Variants in PPP2R2B observed in about 807,000 individuals in gnomAD.
PPP2R2B encodes the protein serine/threonine-protein phosphatase 2A 55 kDa regulatory subunit B beta isoform.
PPP2R2B carries 5 observed loss-of-function variants against 46.0 expected under a neutral mutation model. The observed-to-expected ratio is 0.11, with a 90% CI of 0.06 to 0.23. The LOEUF is 0.23. PPP2R2B is among the 10% of genes least tolerant of loss of function. The pLI is 1.00. For synonymous variants in PPP2R2B, 215 were observed against 206.7 expected (o/e 1.04, Z -0.34); for missense variants, 367 against 575.0 (o/e 0.64, Z 3.70).
intron 2 of PPP2R2B, among the ~76,000 whole-genome samples, chr5:146,843,307 G>GCACTATACAAGGTGAA (rs1330060667): frequency 6.6e-6 from 1 of 152,164 alleles, no homozygotes; most frequent in Non-Finnish European, 1.5e-5. Flanking sequence ...AGCCTACTGA[G>GCACTATACAAGGTGAA]CACTATACAA....
chr5:147,019,002 G>C (rs779055875), intron 1 of PPP2R2B, among the ~76,000 whole-genome samples: 1 of 152,164 alleles, frequency 6.6e-6, no homozygotes, highest in South Asian at 2.1e-4. Flanking sequence ...ATCAAATACT[G>C]CTCTCTGTTT....
chr5:146,673,329 T>C (rs1262172769), intron 5 of PPP2R2B, among the ~76,000 whole-genome samples: 1 of 152,226 alleles, frequency 6.6e-6, no homozygotes, highest in Non-Finnish European at 1.5e-5. Context: ...TCTAATGTTG[T>C]ATCTTAATTT....
chr5:147,045,871 C>T (rs190026424), intron 1 of PPP2R2B, among the ~76,000 whole-genome samples: 68 of 152,172 alleles, frequency 4.5e-4, no homozygotes, highest in Middle Eastern at 3.4e-3. Flanking sequence ...AATGTACTCT[C>T]CTTTGCCTAA....
At chr5:147,027,628 CG>C (rs1257269335) in intron 1 of PPP2R2B, among the ~76,000 whole-genome samples, 6 of 98,036 alleles carry the variant, frequency 6.1e-5, no homozygotes, top group African/African-American at 2.4e-4. Context: ...AAGCGAGACT[CG>C]GTCTCAAAAA....
chr5:146,934,583 G>GAAAA (rs3062352), intron 1 of PPP2R2B, among the ~76,000 whole-genome samples: 93 of 31,484 alleles, frequency 3.0e-3, no homozygotes, highest in Middle Eastern at 0.021. Flanking sequence ...TTTTTCATAA[G>GAAAA]AAAAAAAAAA....
Position 146,755,851 on chromosome 5 carries a change from CTA to C in PPP2R2B, c.71-54711_71-54710del, listed in dbSNP as rs533367119. On this transcript the variant is annotated intron_variant, in intron 2 of 9. Coordinates refer to ENST00000394411, the MANE Select transcript of PPP2R2B (RefSeq NM_181675.4). ...CAAGGACCCTGATCCTCGTCTGTGG[CTA>C]GACTGGCTGCAGGCACCAAAGCTTA... Among the ~76,000 whole-genome samples the C allele has an allele frequency of 5.7e-4, 87 of 152,306 alleles. 1 individual carries two copies. In the South Asian group the frequency reaches 0.015, roughly 27 times the overall value.
At chr5:146,591,148 G>C (rs1398940525) in intron 9 of PPP2R2B, among the ~76,000 whole-genome samples, 2 of 151,852 alleles carry the variant, frequency 1.3e-5, no homozygotes, top group Non-Finnish European at 2.9e-5. Context: ...TTCCCCTGGA[G>C]TGGGGGGCTC....
intron 1 of PPP2R2B, among the ~76,000 whole-genome samples, chr5:146,976,483 CTGAGT>C (rs941088649): frequency 1.3e-5 from 2 of 151,994 alleles, no homozygotes; most frequent in African/African-American, 4.8e-5. Context: ...TTGATTCATT[CTGAGT>C]TAATTTTTGT....
intron 2 of PPP2R2B, among the ~76,000 whole-genome samples, chr5:146,871,663 C>G (rs979744030): frequency 1.3e-5 from 2 of 152,124 alleles, no homozygotes; most frequent in African/African-American, 4.8e-5. Context: ...CCAGCAGCAC[C>G]GACCAGGCGC....
chr5:146,589,684 C>CAGA lies in PPP2R2B; in HGVS notation c.*260_*262dup. ...AGAGAAAACTGGGCAATAAAAGCAT[C>CAGA]AGAAGTTCAAGTCAACTATGGAAGA... On this transcript the variant is annotated 3_prime_UTR_variant, in exon 10 of 10. Coordinates refer to ENST00000394411, the MANE Select transcript of PPP2R2B (RefSeq NM_181675.4). 2.3e-6 allele frequency: 1 copy of CAGA among 430,132 alleles called. No homozygotes were observed. The highest frequency in any genetic ancestry group is 4.1e-6 in the Non-Finnish European group (1 of 241,226). The allele number at this position is 430,132 out of a possible 1,614,324, so 26.6% of individuals were successfully genotyped here. A position where few individuals can be genotyped will look rare whatever the true frequency, so the allele number is the denominator to read the frequency against.
At chr5:146,684,183 G>A (rs435974) in intron 5 of PPP2R2B, among the ~76,000 whole-genome samples, 6,076 of 152,240 alleles carry the variant, frequency 0.04, 410 homozygotes, top group African/African-American at 0.14. Flanking sequence ...AGGATTGGAT[G>A]TGAAGCCCCC....
intron 2 of PPP2R2B, among the ~76,000 whole-genome samples, chr5:146,803,150 A>G (rs1468686301): frequency 6.6e-6 from 1 of 152,152 alleles, no homozygotes; most frequent in Non-Finnish European, 1.5e-5. Context: ...CCACACCTAA[A>G]TGCTTTACAG....
intron 7 of PPP2R2B, among the ~76,000 whole-genome samples, chr5:146,624,948 C>T (rs1773947542): frequency 6.6e-6 from 1 of 152,222 alleles, no homozygotes; most frequent in Non-Finnish European, 1.5e-5. Context: ...AACATTTTCA[C>T]TAAATCTCAA....
intron 2 of PPP2R2B, among the ~76,000 whole-genome samples, chr5:146,813,108 T>C (rs748149292): frequency 5.6e-4 from 85 of 151,474 alleles, no homozygotes; most frequent in Admixed American, 1.2e-3. Context: ...CATATACATA[T>C]ACTATGAATG....
chr5:146,877,254 G>C (rs79343193), intron 2 of PPP2R2B, among the ~76,000 whole-genome samples: 2,179 of 152,240 alleles, frequency 0.014, 24 homozygotes, highest in Non-Finnish European at 0.022. Context: ...CTGGGAGAGA[G>C]GGAGAGACGA....
intron 7 of PPP2R2B, among the ~76,000 whole-genome samples, chr5:146,602,582 T>G (rs993665752): frequency 9.2e-5 from 14 of 152,230 alleles, no homozygotes; most frequent in African/African-American, 2.4e-4. Flanking sequence ...ACTTCTTTCC[T>G]GCCTGCTCAA....
At chr5:146,918,568 T>C (rs928180222) in intron 1 of PPP2R2B, among the ~76,000 whole-genome samples, 1 of 152,226 alleles carries the variant, frequency 6.6e-6, no homozygotes, top group African/African-American at 2.4e-5. Context: ...AGTCCAAATG[T>C]TTTAACATAG....
intron 5 of PPP2R2B, among the ~76,000 whole-genome samples, chr5:146,670,437 A>G (rs1483310516): frequency 6.7e-6 from 1 of 150,194 alleles, no homozygotes; most frequent in Non-Finnish European, 1.5e-5. Context: ...CAGTCCTTTT[A>G]GTACCCCTTC....
intron 2 of PPP2R2B, among the ~76,000 whole-genome samples, chr5:146,766,305 G>GA (rs1323036044): frequency 6.6e-6 from 1 of 151,562 alleles, no homozygotes; most frequent in Non-Finnish European, 1.5e-5. Flanking sequence ...AGATGTCTGG[G>GA]AAAAAAAAGA....
Sources: gnomAD v4.1 joint callset for allele counts (sites outside exome capture counted in the v4.1 genomes callset) on GRCh38, gnomAD v4.1.1 for gene constraint, MANE v1.5 for transcripts, NCBI Gene and HGNC (gene_info 2026-07-23, HGNC 2026-07-21) for gene names.